The following ATP11A variants were observed in gnomAD, a reference collection of about 807,000 sequenced individuals.
ATP11A encodes phospholipid-transporting ATPase IH.
ATP11A carries 81 observed loss-of-function variants against 154.4 expected under a neutral mutation model. That is an observed-to-expected ratio of 0.52 (90% CI 0.44 to 0.63). The LOEUF (loss-of-function observed/expected upper bound fraction) is 0.63. Ranked by LOEUF, ATP11A falls within the 30% of genes least tolerant of loss-of-function variation. ATP11A has a pLI of 0.00. For synonymous variants in ATP11A, 623 were observed against 585.9 expected (o/e 1.06, Z -0.91); for missense variants, 1,316 against 1,474.3 (o/e 0.89, Z 1.76).
intron 6 of ATP11A, among the ~76,000 whole-genome samples, chr13:112,817,576 G>A (rs1404214499): frequency 6.6e-6 from 1 of 152,190 alleles, no homozygotes; most frequent in Non-Finnish European, 1.5e-5. Flanking sequence ...GACCCTGTGA[G>A]CCCTTCACAC....
At chr13:112,808,852 A>G (rs2078404304) in intron 4 of ATP11A, among the ~76,000 whole-genome samples, 1 of 152,060 alleles carries the variant, frequency 6.6e-6, no homozygotes, top group Admixed American at 6.5e-5. Flanking sequence ...CGATCAGCCC[A>G]TCACATGCAT....
At chr13:112,705,298 C>A (rs1182710159) in intron 1 of ATP11A, among the ~76,000 whole-genome samples, 2 of 136,280 alleles carry the variant, frequency 1.5e-5, no homozygotes, top group Non-Finnish European at 2.9e-5. Flanking sequence ...AATGTGCAGG[C>A]CCTCGGCAGC....
At chr13:112,700,502 G>T (rs1886390162) in intron 1 of ATP11A, among the ~76,000 whole-genome samples, 1 of 152,354 alleles carries the variant, frequency 6.6e-6, no homozygotes, top group East Asian at 1.9e-4. Context: ...TGACAGGGCA[G>T]CCAGGTCTCA....
At position 112,780,148 on chromosome 13, in the gene ATP11A, C is replaced by A. The variant is rs978410093; in HGVS notation, c.40-4987C>A. Among the ~76,000 whole-genome samples the A allele has an allele frequency of 3.9e-5, 6 of 152,042 alleles. No individual in the cohort carries two copies. The South Asian group carries it at 6.2e-4, about 16-fold the overall frequency. ...GCCTTTCATTTGGCAAAAATACTTA[C>A]AACATTTTTACTGAGGTATAATTCA... On this transcript the variant is annotated intron_variant, in intron 1 of 29. Transcript: ENST00000375645.
rs1176909510 is a variant in ATP11A, at chr13:112,697,505, G to T, written c.39+7050G>T. ...GAGCAGCCGCAGTGCCCTGTCCCCAGAGCCTGGTGTCCAGAGCCAGAGTTC... is the reference window on the plus strand; with the variant it reads ...GAGCAGCCGCAGTGCCCTGTCCCCATAGCCTGGTGTCCAGAGCCAGAGTTC... On this transcript the variant is annotated intron_variant, in intron 1 of 29. Transcript: ENST00000375645. The surrounding 1 kb of genome is among the most constrained non-coding windows in gnomAD (Gnocchi z 4.0). Among the ~76,000 whole-genome samples, 1 of 152,138 alleles carries T rather than the reference G, an allele frequency of 6.6e-6. No homozygotes were observed. Among genetic ancestry groups the T allele is most frequent in the Non-Finnish European group, 1.5e-5 (1 of 68,022 alleles).
rs1274292106 is a variant in ATP11A at position 112,690,415 on chromosome 13, C to G, written c.-2C>G. 1 of 1,327,942 alleles carries G rather than the reference C, an allele frequency of 7.5e-7. No homozygotes were observed. Among genetic ancestry groups the G allele is most frequent in the Admixed American group, 3.4e-5 (1 of 29,428 alleles). 82.3% of individuals were successfully genotyped at this position (1,327,942 alleles called of 1,614,324 possible). A position where few individuals can be genotyped will look rare whatever the true frequency, so the allele number is the denominator to read the frequency against. ...GGCGGAGCGGGAGCGGCCGGAGGAG[C>G]CATGGACTGCAGCCTCGTGCGGACG... On this transcript the variant is annotated 5_prime_UTR_variant, in exon 1 of 30. Coordinates refer to ENST00000375645, the MANE Select transcript of ATP11A (RefSeq NM_015205.3). The surrounding 1 kb of genome is among the most constrained non-coding windows in gnomAD (Gnocchi z 5.6).
At chr13:112,852,794 A>C (rs2873374) in intron 18 of ATP11A, among the ~76,000 whole-genome samples, 2 of 138,930 alleles carry the variant, frequency 1.4e-5, no homozygotes, top group Non-Finnish European at 3.1e-5. Flanking sequence ...GCGGGGGGGG[A>C]TCTCAGTGGC....
intron 1 of ATP11A, among the ~76,000 whole-genome samples, chr13:112,774,311 A>G (rs891763570): frequency 6.6e-6 from 1 of 152,216 alleles, no homozygotes; most frequent in Non-Finnish European, 1.5e-5. Context: ...GGTGTCTTAC[A>G]TCAAAGCTTC....
chr13:112,887,021 T>G lies in ATP11A; in HGVS notation c.*5155T>G, dbSNP rs1278892193. 6.6e-6 allele frequency: 1 copy of G among 152,256 alleles called. No individual in the cohort carries two copies. The highest frequency in any genetic ancestry group is 1.9e-4 in the East Asian group (1 of 5,202). 9.4% of individuals were successfully genotyped at this position (152,256 alleles called of 1,614,324 possible). A position where few individuals can be genotyped will look rare whatever the true frequency, so the allele number is the denominator to read the frequency against. ...TTCAGTAAAGTTTATTTTGTATGCTTCTGTTTTTAACTTTTATTTCTGTAG... is the reference window on the plus strand; with the variant it reads ...TTCAGTAAAGTTTATTTTGTATGCTGCTGTTTTTAACTTTTATTTCTGTAG... On this transcript the variant is annotated 3_prime_UTR_variant, in exon 30 of 30. Transcript: ENST00000375645.
chr13:112,862,080 CGTCACGTCAGGCGTAAGGT>C (rs2080125031), intron 24 of ATP11A, among the ~76,000 whole-genome samples: 1 of 135,608 alleles, frequency 7.4e-6, no homozygotes, highest in South Asian at 2.4e-4. Context: ...AGGCGTAAGG[CGTCACGTCAGGCGTAAGGT>C]GTCACAAGCT....
chr13:112,767,725 G>A (rs1186450564), intron 1 of ATP11A, among the ~76,000 whole-genome samples: 7 of 152,200 alleles, frequency 4.6e-5, no homozygotes, highest in Admixed American at 3.9e-4. Context: ...TCCCCACTTG[G>A]CCAATGATAT....
rs2079184512 is a variant in ATP11A at position 112,834,664 on chromosome 13, T to C, written c.1631+4T>C. On this transcript the variant is annotated splice_donor_region_variant and intron_variant, in intron 15 of 29. Coordinates refer to ENST00000375645, the MANE Select transcript of ATP11A (RefSeq NM_015205.3). ...ACAGGGAGAACCACATCGAAAGGTA[T>C]GTGCAGACCTCACCCTCAGATGTGA... 1 of 1,609,112 alleles carries C rather than the reference T, an allele frequency of 6.2e-7. No individual in the cohort carries two copies. The highest frequency in any genetic ancestry group is 1.3e-5 in the African/African-American group (1 of 74,914).
chr13:112,780,917 G>A (rs2077481904), intron 1 of ATP11A, among the ~76,000 whole-genome samples: 1 of 152,184 alleles, frequency 6.6e-6, no homozygotes, highest in Admixed American at 6.5e-5. Context: ...ATCCTGTCTG[G>A]GAACGCGGAG....
intron 1 of ATP11A, among the ~76,000 whole-genome samples, chr13:112,695,278 C>T (rs755309038): frequency 5.3e-5 from 8 of 152,184 alleles, no homozygotes; most frequent in Non-Finnish European, 7.3e-5. Context: ...AATCTGTCTC[C>T]AGCAGTGTGG....
At chr13:112,841,587 AC>A (rs2079421141) in intron 16 of ATP11A, among the ~76,000 whole-genome samples, 1 of 150,694 alleles carries the variant, frequency 6.6e-6, no homozygotes, top group Non-Finnish European at 1.5e-5. Flanking sequence ...CCAGGCACAA[AC>A]TAGCCACCTG....
At chr13:112,733,436 T>G (rs968016898) in intron 1 of ATP11A, among the ~76,000 whole-genome samples, 1 of 152,232 alleles carries the variant, frequency 6.6e-6, no homozygotes, top group Non-Finnish European at 1.5e-5. Context: ...GTGTTAAGTT[T>G]CACTGTTTTT....
At position 112,690,852 on chromosome 13, in the gene ATP11A, C is replaced by A. The variant is rs1315936514; in HGVS notation, c.39+397C>A. 6.6e-6 allele frequency among the ~76,000 whole-genome samples: 1 copy of A among 152,224 alleles called. No individual in the cohort carries two copies. The highest frequency in any genetic ancestry group is 6.5e-5 in the Admixed American group (1 of 15,288). On this transcript the variant is annotated intron_variant, in intron 1 of 29. Transcript: ENST00000375645. This position sits in a 1 kb window ranked among gnomAD's most constrained non-coding sequence, Gnocchi z 5.6. ...GGGCCCGGGTCTGGGGAGGAACCTT[C>A]AGATGCGGCTTCCGCGCAGCCGTGT...
intron 1 of ATP11A, among the ~76,000 whole-genome samples, chr13:112,735,138 T>A (rs1012987027): frequency 1.3e-5 from 2 of 152,168 alleles, no homozygotes; most frequent in Non-Finnish European, 2.9e-5. Context: ...TCCATCTGGG[T>A]CTAATAAAAG....
At chr13:112,848,948 A>T (rs1019955828) in intron 17 of ATP11A, among the ~76,000 whole-genome samples, 1 of 152,200 alleles carries the variant, frequency 6.6e-6, no homozygotes, top group African/African-American at 2.4e-5. Flanking sequence ...TCAGCCTCCC[A>T]AAGTGCTGGG....
Sources: allele counts gnomAD v4.1 joint callset (sites outside exome capture counted in the v4.1 genomes callset), GRCh38; gene constraint gnomAD v4.1.1; non-coding constraint Gnocchi (gnomAD v3.1); transcripts MANE v1.5; gene names NCBI Gene and HGNC (gene_info 2026-07-23, HGNC 2026-07-21).